Variants in PACS1 observed in about 807,000 individuals in gnomAD.
The protein encoded by PACS1 is phosphofurin acidic cluster sorting protein 1.
PACS1 carries 24 observed loss-of-function variants against 115.0 expected under a neutral mutation model. The observed-to-expected ratio is 0.21, with a 90% confidence interval of 0.15 to 0.29. The LOEUF (loss-of-function observed/expected upper bound fraction) is 0.29. Ranked by LOEUF, PACS1 falls within the 10% of genes least tolerant of loss-of-function variation. The probability of loss-of-function intolerance (pLI) is 1.00; values close to 1 mark genes in which losing one functional copy is unlikely to be tolerated. For missense variants in PACS1, 838 were observed against 1,251.2 expected, an observed-to-expected ratio of 0.67 and a Z score of 4.98; for synonymous variants, 453 against 504.5, an observed-to-expected ratio of 0.90 and a Z score of 1.37.
chr11:66,205,310 T>A (rs988270415), intron 2 of PACS1, among the ~76,000 whole-genome samples: 5 of 151,924 alleles, frequency 3.3e-5, no homozygotes, highest in South Asian at 2.1e-4. Flanking sequence ...ATTATAAAAA[T>A]TTTTTTAATG....
intron 1 of PACS1, among the ~76,000 whole-genome samples, chr11:66,159,504 C>T (rs1859439910): frequency 6.6e-6 from 1 of 152,138 alleles, no homozygotes; most frequent in Admixed American, 6.5e-5. Flanking sequence ...CATTACCAAA[C>T]TGCCCTCCAT....
intron 2 of PACS1, among the ~76,000 whole-genome samples, chr11:66,207,939 T>G (rs1854980940): frequency 6.6e-6 from 1 of 152,154 alleles, no homozygotes; most frequent in South Asian, 2.1e-4. Flanking sequence ...TGGCTAATTT[T>G]TGTATTTTTC....
At chr11:66,127,325 C>G (rs1858602709) in intron 1 of PACS1, among the ~76,000 whole-genome samples, 1 of 152,210 alleles carries the variant, frequency 6.6e-6, no homozygotes, top group Admixed American at 6.5e-5. Flanking sequence ...CCCTGCTTCA[C>G]CGTTCCTGTT....
intron 1 of PACS1, among the ~76,000 whole-genome samples, chr11:66,078,833 C>T (rs928845988): frequency 1.3e-5 from 2 of 152,248 alleles, no homozygotes; most frequent in Admixed American, 6.5e-5. Flanking sequence ...GGATTATAGG[C>T]GTAAGCCACC....
At chr11:66,221,403 T>A (rs1855343535) in intron 10 of PACS1, 156 bp downstream of exon 10, 1 of 657,482 alleles carries the variant, frequency 1.5e-6, no homozygotes, top group East Asian at 2.8e-5. Flanking sequence ...ATCCTGGCAC[T>A]TTGGGAGGTG....
At chr11:66,174,065 A>G (rs182764429) in intron 1 of PACS1, among the ~76,000 whole-genome samples, 210 of 152,316 alleles carry the variant, frequency 1.4e-3, no homozygotes, top group Non-Finnish European at 2.2e-3. Flanking sequence ...AAAAAAAGGC[A>G]AAAGATTTGA....
intron 1 of PACS1, among the ~76,000 whole-genome samples, chr11:66,152,633 C>G (rs1243450512): frequency 1.3e-5 from 2 of 152,178 alleles, no homozygotes; most frequent in African/African-American, 4.8e-5. Flanking sequence ...CCTTTTGCAG[C>G]TCATGAGTGT....
intron 4 of PACS1, among the ~76,000 whole-genome samples, 165 bp from the exon 5 acceptor site, chr11:66,215,947 TAATAAAC>T (rs1233085844): frequency 7.1e-5 from 10 of 140,310 alleles, no homozygotes; most frequent in African/African-American, 1.7e-4. Context: ...ATAATAATAA[TAATAAAC>T]AAAGTAAGAC....
chr11:66,168,705 C>T (rs1411358294), intron 1 of PACS1, among the ~76,000 whole-genome samples: 3 of 149,724 alleles, frequency 2.0e-5, no homozygotes, highest in African/African-American at 7.6e-5. Flanking sequence ...TTTGTTTTAT[C>T]CCTAGGTGTC....
intron 1 of PACS1, among the ~76,000 whole-genome samples, chr11:66,136,684 C>T (rs189899728): frequency 8.5e-5 from 13 of 152,172 alleles, no homozygotes; most frequent in African/African-American, 2.4e-4. Context: ...AGCCTTGGCC[C>T]GAGTGCTTCC....
chr11:66,110,724 C>T (rs778291311), intron 1 of PACS1, among the ~76,000 whole-genome samples: 1 of 152,128 alleles, frequency 6.6e-6, no homozygotes, highest in Non-Finnish European at 1.5e-5. Context: ...TGTGCACCAC[C>T]ATGCCCAGCT....
At chr11:66,134,264 T>TTTC (rs1858784111) in intron 1 of PACS1, among the ~76,000 whole-genome samples, 1 of 118,656 alleles carries the variant, frequency 8.4e-6, no homozygotes, top group Admixed American at 9.0e-5. Context: ...CTTTTTTTTT[T>TTTC]TTTTTTTTTT....
At chr11:66,092,838 T>G (rs905282427) in intron 1 of PACS1, among the ~76,000 whole-genome samples, 1 of 152,146 alleles carries the variant, frequency 6.6e-6, no homozygotes, top group Non-Finnish European at 1.5e-5. Flanking sequence ...GTTGTAGATA[T>G]GCGGCGTTAT....
intron 1 of PACS1, among the ~76,000 whole-genome samples, chr11:66,120,148 C>CTT (rs367965167): frequency 0.2 from 27,430 of 135,222 alleles, 3,296 homozygotes; most frequent in Middle Eastern, 0.29. Context: ...TCTGTGAACT[C>CTT]TTTTTTTTTT....
At chr11:66,148,712 G>T (rs1389384547) in intron 1 of PACS1, among the ~76,000 whole-genome samples, 2 of 152,174 alleles carry the variant, frequency 1.3e-5, no homozygotes, top group African/African-American at 4.8e-5. Flanking sequence ...GATCACTTGA[G>T]GTCAGGAGTT....
At chr11:66,109,259 T>C (rs1390852480) in intron 1 of PACS1, among the ~76,000 whole-genome samples, 1 of 152,048 alleles carries the variant, frequency 6.6e-6, no homozygotes, top group Non-Finnish European at 1.5e-5. Context: ...CAGGAAAAGT[T>C]TCATTGAGAA....
At chr11:66,152,256 C>T (rs1859256810) in intron 1 of PACS1, among the ~76,000 whole-genome samples, 7 of 152,080 alleles carry the variant, frequency 4.6e-5, no homozygotes, top group Admixed American at 4.6e-4. Flanking sequence ...TAGATGTGCT[C>T]AACAGCAGTT....
intron 1 of PACS1, among the ~76,000 whole-genome samples, chr11:66,071,317 G>C (rs1857307894): frequency 6.6e-6 from 1 of 152,106 alleles, no homozygotes. Context: ...ATTAGCCTTC[G>C]GCACACATGT....
At chr11:66,206,490 T>C (rs1854943289) in intron 2 of PACS1, among the ~76,000 whole-genome samples, 1 of 152,154 alleles carries the variant, frequency 6.6e-6, no homozygotes. Context: ...CGTGACACAC[T>C]GCACTCCGCA....
Sources: allele counts gnomAD v4.1 joint callset (sites outside exome capture counted in the v4.1 genomes callset), GRCh38; gene constraint gnomAD v4.1.1; transcripts MANE v1.5; gene names NCBI Gene and HGNC (gene_info 2026-07-23, HGNC 2026-07-21).